RMP24: variants seen among roughly 807,000 people sequenced by gnomAD.
The protein encoded by RMP24 is ribonuclease MRP subunit p24.
chr18:35,972,681 A>G, the RMP24 span: 42 of 1,561,542 alleles, frequency 2.7e-5, no homozygotes, highest in African/African-American at 2.2e-4. Flanking sequence ...CCGGCGCCCT[A>G]TTTTCTCACC....
chr18:35,977,011 T>G, the RMP24 span, among the ~76,000 whole-genome samples: 1 of 152,190 alleles, frequency 6.6e-6, no homozygotes, highest in African/African-American at 2.4e-5. Flanking sequence ...GTGGATCGCC[T>G]GAGGTCAGGA....
At chr18:35,979,049 A>C in the RMP24 span, 1 of 1,508,638 alleles carries the variant, frequency 6.6e-7, no homozygotes, top group Non-Finnish European at 8.9e-7. Context: ...TGGTAAAACA[A>C]CTTTTTAAAC....
At chr18:35,973,193 T>G in the RMP24 span, 2 of 555,418 alleles carry the variant, frequency 3.6e-6, no homozygotes, top group South Asian at 2.1e-5. Context: ...CGATTTGCTT[T>G]GCTGGTTCCT....
chr18:35,975,330 T>A, the RMP24 span, among the ~76,000 whole-genome samples: 1 of 152,250 alleles, frequency 6.6e-6, no homozygotes, highest in African/African-American at 2.4e-5. Flanking sequence ...TGTTTTGAGA[T>A]CCCATTGTTG....
At chr18:35,972,712 C>T in the RMP24 span, 3 of 1,599,406 alleles carry the variant, frequency 1.9e-6, no homozygotes, top group East Asian at 2.3e-5. Flanking sequence ...GGCGAGCCAG[C>T]GGCAGCGGCG....
chr18:35,977,387 G>A, the RMP24 span: 1 of 1,592,446 alleles, frequency 6.3e-7, no homozygotes, highest in Non-Finnish European at 8.6e-7. Flanking sequence ...TGACGGGACT[G>A]ATATTTCTTA....
chr18:35,975,247 T>A, the RMP24 span: 1 of 643,534 alleles, frequency 1.6e-6, no homozygotes, highest in Non-Finnish European at 2.6e-6. Flanking sequence ...CTCTAATGAT[T>A]AGTGTTTCAT....
chr18:35,972,938 G>T, the RMP24 span: 1 of 1,613,694 alleles, frequency 6.2e-7, no homozygotes, highest in African/African-American at 1.3e-5. Flanking sequence ...TTGTGCTTTG[G>T]GCTCTTGTCG....
the RMP24 span, among the ~76,000 whole-genome samples, chr18:35,978,682 G>C: frequency 2.6e-5 from 4 of 152,124 alleles, no homozygotes; most frequent in Non-Finnish European, 5.9e-5. Context: ...CCTTTTCTCT[G>C]TCAGAAATTC....
At chr18:35,978,791 T>G in the RMP24 span, 2 of 1,503,706 alleles carry the variant, frequency 1.3e-6, no homozygotes, top group Non-Finnish European at 1.8e-6. Flanking sequence ...AGAAAATGAT[T>G]GTCATTTGTT....
chr18:35,974,861 T>A, the RMP24 span: 1 of 1,567,320 alleles, frequency 6.4e-7, no homozygotes, highest in Non-Finnish European at 8.7e-7. Flanking sequence ...ATATTCTGAT[T>A]TGCTGAATTG....
At chr18:35,974,225 A>G in the RMP24 span, among the ~76,000 whole-genome samples, 1 of 152,148 alleles carries the variant, frequency 6.6e-6, no homozygotes, top group South Asian at 2.1e-4. Flanking sequence ...TAACTCCATC[A>G]ATACTTCTAT....
chr18:35,979,129 T>C, the RMP24 span: 1 of 992,740 alleles, frequency 1.0e-6, no homozygotes, highest in Non-Finnish European at 1.5e-6. Context: ...CTTCAGTGTT[T>C]ATGGGGAAAA....
chr18:35,975,129 T>C, the RMP24 span: 14 of 1,554,632 alleles, frequency 9.0e-6, no homozygotes, highest in Non-Finnish European at 8.7e-7. Context: ...ATGAGTAAAC[T>C]AGAATTTTCT....
At chr18:35,972,872 T>G in the RMP24 span, 1 of 1,614,110 alleles carries the variant, frequency 6.2e-7, no homozygotes, top group Non-Finnish European at 8.5e-7. Flanking sequence ...ACAAGTCTCT[T>G]TCTCTTTTAC....
At chr18:35,974,522 C>A in the RMP24 span, among the ~76,000 whole-genome samples, 1 of 152,158 alleles carries the variant, frequency 6.6e-6, no homozygotes, top group Non-Finnish European at 1.5e-5. Flanking sequence ...AAAAAAGAAA[C>A]AAAATCGCAG....
At chr18:35,974,938 A>G in the RMP24 span, 1 of 1,614,202 alleles carries the variant, frequency 6.2e-7, no homozygotes, top group Non-Finnish European at 8.5e-7. Context: ...TACTGTTTCC[A>G]GCTGTTGGTT....
the RMP24 span, among the ~76,000 whole-genome samples, chr18:35,978,102 T>G: frequency 6.6e-6 from 1 of 152,244 alleles, no homozygotes; most frequent in Non-Finnish European, 1.5e-5. Flanking sequence ...TTCAGGTCCT[T>G]ATGCACCATT....
At chr18:35,975,920 T>G in the RMP24 span, among the ~76,000 whole-genome samples, 6 of 152,170 alleles carry the variant, frequency 3.9e-5, no homozygotes, top group African/African-American at 1.4e-4. Context: ...AAAGAAGAGA[T>G]AGAATATTGA....
Sources: allele counts gnomAD v4.1 joint callset (sites outside exome capture counted in the v4.1 genomes callset), GRCh38; gene constraint gnomAD v4.1.1; transcripts MANE v1.5; gene names NCBI Gene and HGNC (gene_info 2026-07-23, HGNC 2026-07-21).